The following BIRC6 variants were observed in gnomAD, a reference collection of about 807,000 sequenced individuals.
BIRC6 encodes baculoviral IAP repeat containing 6, also known as dual E2 ubiquitin-conjugating enzyme/E3 ubiquitin-protein ligase BIRC6.
Under a neutral mutation model 503.3 loss-of-function variants are expected in BIRC6, and 98 were observed. The observed-to-expected ratio is 0.19, with a 90% CI of 0.17 to 0.23. The LOEUF (loss-of-function observed/expected upper bound fraction) is 0.23. Among genes scored for constraint, BIRC6 ranks in the 10% least tolerant of loss-of-function variants. The probability of loss-of-function intolerance (pLI) is 1.00; values close to 1 mark genes in which losing one functional copy is unlikely to be tolerated. For missense variants in BIRC6, 5,360 were observed against 5,806.0 expected, an observed-to-expected ratio of 0.92 and a Z score of 2.50; for synonymous variants, 2,240 against 2,078.7, an observed-to-expected ratio of 1.08 and a Z score of -2.11.
At chr2:32,510,034 T>C (rs767826480) in intron 52 of BIRC6, 40 bp downstream of exon 52, 1 of 1,600,294 alleles carries the variant, frequency 6.2e-7, no homozygotes, top group Non-Finnish European at 8.5e-7. Context: ...TACATATCTG[T>C]AAAGTAACAG....
At chr2:32,388,421 AAC>A (rs2038787698) in intron 3 of BIRC6, among the ~76,000 whole-genome samples, 1 of 151,916 alleles carries the variant, frequency 6.6e-6, no homozygotes, top group Admixed American at 6.6e-5. Context: ...CATGATTAGT[AAC>A]TGCAGTCACC....
intron 71 of BIRC6, among the ~76,000 whole-genome samples, chr2:32,604,676 C>G (rs909678696): frequency 2.0e-5 from 3 of 152,012 alleles, no homozygotes; most frequent in African/African-American, 7.2e-5. Flanking sequence ...ACATTTATTT[C>G]TCAGATGTAA....
At chr2:32,592,713 A>G (rs1471599767) in intron 66 of BIRC6, among the ~76,000 whole-genome samples, 1 of 151,772 alleles carries the variant, frequency 6.6e-6, no homozygotes, top group Non-Finnish European at 1.5e-5. Flanking sequence ...CTCCTGCCTC[A>G]GCCTCCCCAG....
chr2:32,603,170 T>C (rs749665689), intron 71 of BIRC6, 87 bp downstream of exon 71: 5 of 927,344 alleles, frequency 5.4e-6, no homozygotes, highest in South Asian at 1.8e-5. Flanking sequence ...AGAATAAATA[T>C]AGTAAACCTA....
intron 46 of BIRC6, among the ~76,000 whole-genome samples, chr2:32,500,724 G>C (rs1319504541): frequency 6.7e-6 from 1 of 149,494 alleles, no homozygotes; most frequent in Non-Finnish European, 1.5e-5. Context: ...TCATGCCTCA[G>C]CCTCCCAAGT....
At chr2:32,525,315 T>G in intron 58 of BIRC6, 149 bp from the exon 59 acceptor site, 1 of 870,956 alleles carries the variant, frequency 1.1e-6, no homozygotes, top group South Asian at 1.8e-5. Context: ...ACGAATAGAA[T>G]TGGGAGATTA....
At chr2:32,448,467 A>C (rs1189850363) in intron 21 of BIRC6, among the ~76,000 whole-genome samples, 2 of 151,866 alleles carry the variant, frequency 1.3e-5, no homozygotes, top group Non-Finnish European at 1.5e-5. Flanking sequence ...CGGCCAACAC[A>C]GCAAAACCCC....
intron 66 of BIRC6, among the ~76,000 whole-genome samples, chr2:32,577,978 C>T (rs2151086059): frequency 6.6e-6 from 1 of 152,304 alleles, no homozygotes; most frequent in East Asian, 1.9e-4. Context: ...TTTATCTTTA[C>T]AGTGACCGTG....
In BIRC6 at chr2:32,415,166, G is replaced by A. The variant is rs761513610; in HGVS notation, c.1875G>A (p.Arg625=). 13 of 1,613,824 alleles carry A rather than the reference G, an allele frequency of 8.1e-6. No homozygotes were observed. The highest frequency in any genetic ancestry group is 4.0e-5 in the African/African-American group (3 of 74,906). The change falls in exon 10 of 74, where the codon AGG becomes AGA. Residue 625 remains arginine, a synonymous_variant. Transcript: ENST00000421745. The part of the protein sequence containing the change: ...NSELNSPLVR[R]TLPVLLLYSI... ...AACTAAATTCTCCTCTGGTAAGGAG[G>A]ACTTTACCGGTTTTGCTTCTTTATA...
intron 39 of BIRC6, among the ~76,000 whole-genome samples, chr2:32,484,227 ATAAC>A (rs2050730531): frequency 6.6e-6 from 1 of 151,968 alleles, no homozygotes; most frequent in Admixed American, 6.6e-5. Context: ...CTCGGAAACT[ATAAC>A]TATCCTGTTC....
chr2:32,548,365 C>T (rs896210741), intron 64 of BIRC6, among the ~76,000 whole-genome samples: 2,699 of 73,178 alleles, frequency 0.037, 36 homozygotes, highest in Middle Eastern at 0.085. Context: ...TGGTTGCTTA[C>T]TTTTTTTTTT....
intron 20 of BIRC6, among the ~76,000 whole-genome samples, chr2:32,444,027 A>C (rs894095227): frequency 1.4e-5 from 2 of 144,488 alleles, no homozygotes; most frequent in Non-Finnish European, 3.0e-5. Context: ...AAAAGGGACC[A>C]GTGGTTTTTT....
intron 61 of BIRC6, among the ~76,000 whole-genome samples, chr2:32,536,613 T>G (rs1294170769): frequency 6.6e-6 from 1 of 152,176 alleles, no homozygotes; most frequent in African/African-American, 2.4e-5. Context: ...ATCAGATGGT[T>G]GTAGATATGT....
intron 39 of BIRC6, among the ~76,000 whole-genome samples, chr2:32,485,208 G>A (rs566363214): frequency 4.6e-5 from 7 of 152,108 alleles, no homozygotes; most frequent in East Asian, 1.9e-4. Context: ...TTGTGTGTGC[G>A]TGTGAACACA....
chr2:32,460,865 G>A (rs2047816723), intron 23 of BIRC6, among the ~76,000 whole-genome samples: 1 of 151,774 alleles, frequency 6.6e-6, no homozygotes, highest in African/African-American at 2.4e-5. Flanking sequence ...GAATGATTTA[G>A]CAAGTCTAAC....
chr2:32,498,100 C>T (rs1367459318), intron 45 of BIRC6, among the ~76,000 whole-genome samples: 4 of 152,124 alleles, frequency 2.6e-5, no homozygotes, highest in Middle Eastern at 3.2e-3. Context: ...TTTGCTCTGT[C>T]GCACAGGTTG....
At chr2:32,567,026 A>G (rs2059580362) in intron 65 of BIRC6, among the ~76,000 whole-genome samples, 1 of 152,198 alleles carries the variant, frequency 6.6e-6, no homozygotes, top group Admixed American at 6.5e-5. Context: ...GCTAGAGTAC[A>G]GTGGCATGAT....
chr2:32,509,819 T>C lies in BIRC6; in HGVS notation c.10062T>C (p.Pro3354=). The C allele has an allele frequency of 6.2e-7, 1 of 1,614,050 alleles. No homozygotes were observed. Among genetic ancestry groups the C allele is most frequent in the Middle Eastern group, 1.6e-4 (1 of 6,062 alleles). Residue 3354 remains proline, a synonymous_variant, in exon 52 of 74, where the codon CCT becomes CCC. Coordinates refer to ENST00000421745, the MANE Select transcript of BIRC6 (RefSeq NM_016252.4). The part of the protein sequence containing the change: ...LEGMMASAAA[P]TANLLQTCAA... The stretch of plus-strand genomic sequence containing the variant: ...GAATGATGGCAAGTGCAGCTGCACC[T>C]ACTGCTAATCTGCTGCAGACTTGTG...
chr2:32,528,080 A>T (rs904790297), intron 59 of BIRC6: 1 of 152,278 alleles, frequency 6.6e-6, no homozygotes, highest in African/African-American at 2.4e-5. Flanking sequence ...ATGTCTCTTC[A>T]TCCCCCGTAG....
Sources: gnomAD v4.1 joint callset for allele counts (sites outside exome capture counted in the v4.1 genomes callset) on GRCh38, gnomAD v4.1.1 for gene constraint, MANE v1.5 for transcripts, NCBI Gene and HGNC (gene_info 2026-07-23, HGNC 2026-07-21) for gene names.